The following CSMD3 variants were observed in gnomAD, a reference collection of about 807,000 sequenced individuals.
CSMD3 encodes CUB and Sushi multiple domains 3.
Under a neutral mutation model 435.2 loss-of-function variants are expected in CSMD3, and 177 were observed. The observed-to-expected ratio is 0.41, with a 90% CI of 0.36 to 0.46. The LOEUF (loss-of-function observed/expected upper bound fraction) is 0.46, where lower values mean the gene tolerates loss of function less well. CSMD3 is among the 20% of genes least tolerant of loss of function. The pLI, the probability that CSMD3 is intolerant of heterozygous loss-of-function variation, is 0.34. For missense variants in CSMD3, 4,265 were observed against 4,504.6 expected (o/e 0.95, Z 1.52); for synonymous variants, 1,656 against 1,520.5 (o/e 1.09, Z -2.07).
At chr8:112,737,961 C>T (rs141339052) in intron 13 of CSMD3, among the ~76,000 whole-genome samples, 1 of 151,894 alleles carries the variant, frequency 6.6e-6, no homozygotes, top group East Asian at 1.9e-4. Context: ...TAAATCATTA[C>T]CTAAACTCAT....
At chr8:112,674,729 A>G (rs2131743138) in intron 16 of CSMD3, among the ~76,000 whole-genome samples, 1 of 152,278 alleles carries the variant, frequency 6.6e-6, no homozygotes, top group East Asian at 1.9e-4. Context: ...TAGATCAGCA[A>G]GCTCATTGTA....
intron 6 of CSMD3, among the ~76,000 whole-genome samples, chr8:113,013,114 C>T (rs1367098541): frequency 6.6e-6 from 1 of 151,882 alleles, no homozygotes; most frequent in African/African-American, 2.4e-5. Flanking sequence ...TATTTTTAAG[C>T]CTGGACTATA....
chr8:113,397,423 C>T (rs1211860040), intron 1 of CSMD3, among the ~76,000 whole-genome samples: 2 of 152,030 alleles, frequency 1.3e-5, no homozygotes, highest in South Asian at 2.1e-4. Context: ...CCCACTTGTG[C>T]GTTACAGTGT....
At chr8:112,384,075 G>A (rs1477025252) in intron 36 of CSMD3, among the ~76,000 whole-genome samples, 1 of 151,864 alleles carries the variant, frequency 6.6e-6, no homozygotes, top group Non-Finnish European at 1.5e-5. Context: ...CAGATCTGTG[G>A]TCTACAAGCC....
chr8:112,959,906 A>C (rs2084165588), intron 7 of CSMD3, among the ~76,000 whole-genome samples: 1 of 151,900 alleles, frequency 6.6e-6, no homozygotes, highest in South Asian at 2.1e-4. Flanking sequence ...TTAGTGGATT[A>C]GGAGTTAGCA....
At chr8:112,346,922 G>T (rs184212197) in intron 40 of CSMD3, among the ~76,000 whole-genome samples, 1 of 151,728 alleles carries the variant, frequency 6.6e-6, no homozygotes, top group Non-Finnish European at 1.5e-5. Context: ...CTCGTGATCC[G>T]CCCGCCCAGG....
intron 1 of CSMD3, among the ~76,000 whole-genome samples, chr8:113,409,885 G>GA (rs35823928): frequency 7.9e-4 from 115 of 145,644 alleles, no homozygotes; most frequent in African/African-American, 9.7e-4. Flanking sequence ...CAGCTTTGTA[G>GA]AAAAAAAAAA....
At chr8:113,311,493 A>G (rs948276315) in intron 2 of CSMD3, 1 of 152,148 alleles carries the variant, frequency 6.6e-6, no homozygotes, top group African/African-American at 2.4e-5. Context: ...GCTCATGAAA[A>G]GTAAAAAAAA....
intron 40 of CSMD3, among the ~76,000 whole-genome samples, chr8:112,346,669 C>CTTTTTTTTTTTTTTTTTTTT (rs1402415225): frequency 8.9e-6 from 1 of 111,832 alleles, no homozygotes; most frequent in African/African-American, 4.4e-5. Flanking sequence ...CCTCCTTTTC[C>CTTTTTTTTTTTTTTTTTTTT]TTTTTTTTTT....
chr8:112,678,021 C>T (rs4876483), intron 16 of CSMD3, among the ~76,000 whole-genome samples: 57,768 of 151,886 alleles, frequency 0.38, 12,380 homozygotes, highest in African/African-American at 0.59. Context: ...ATTATTTATA[C>T]TGTTTTTAAG....
intron 16 of CSMD3, among the ~76,000 whole-genome samples, chr8:112,668,159 G>T (rs2075569968): frequency 6.6e-6 from 1 of 151,962 alleles, no homozygotes; most frequent in Non-Finnish European, 1.5e-5. Flanking sequence ...TTCCTAAAAA[G>T]CTAGTTTTAA....
intron 1 of CSMD3, among the ~76,000 whole-genome samples, chr8:113,374,630 T>A (rs902880348): frequency 2.0e-5 from 3 of 152,038 alleles, no homozygotes; most frequent in Non-Finnish European, 2.9e-5. Flanking sequence ...ACATTGTTTT[T>A]CAAATCCAAC....
At chr8:112,697,600 A>AG (rs1288306959) in intron 13 of CSMD3, among the ~76,000 whole-genome samples, 1 of 138,704 alleles carries the variant, frequency 7.2e-6, no homozygotes, top group South Asian at 2.5e-4. Flanking sequence ...GGGTGGGGGC[A>AG]GGGGGGAGGG....
intron 32 of CSMD3, among the ~76,000 whole-genome samples, chr8:112,465,775 G>T (rs1175575301): frequency 6.6e-6 from 1 of 152,054 alleles, no homozygotes; most frequent in African/African-American, 2.4e-5. Flanking sequence ...AGGAGTTTGA[G>T]ATCAGCCTGG....
chr8:112,590,706 C>T lies in CSMD3; in HGVS notation c.3716-3471G>A, dbSNP rs904293907. 4.6e-5 allele frequency among the ~76,000 whole-genome samples: 7 copies of T among 151,404 alleles called. No homozygotes were observed. The East Asian group carries it at 7.8e-4, about 17-fold the overall frequency. On this transcript the variant is annotated intron_variant, in intron 22 of 70. Transcript: ENST00000297405. ...AGAATTTGAAGAGGAAAAGAGGAGA[C>T]TGAATGAGGTACATTTATAAAATTT...
At chr8:112,837,157 C>A (rs199856869) in intron 11 of CSMD3, among the ~76,000 whole-genome samples, 18 of 151,484 alleles carry the variant, frequency 1.2e-4, no homozygotes, top group South Asian at 2.1e-4. Context: ...ATAAATTCTT[C>A]GGGAAAAAAA....
intron 11 of CSMD3, among the ~76,000 whole-genome samples, chr8:112,836,239 G>T (rs1423309162): frequency 6.6e-6 from 1 of 151,822 alleles, no homozygotes; most frequent in Non-Finnish European, 1.5e-5. Flanking sequence ...GAATGCAGGA[G>T]AAGAAAAATG....
At chr8:112,275,472 A>C (rs1262675137) in intron 59 of CSMD3, among the ~76,000 whole-genome samples, 1 of 152,106 alleles carries the variant, frequency 6.6e-6, no homozygotes, top group African/African-American at 2.4e-5. Flanking sequence ...ACTTGAACCC[A>C]GGAGGCAGAG....
At chr8:113,370,584 T>C (rs1309716964) in intron 1 of CSMD3, among the ~76,000 whole-genome samples, 1 of 151,970 alleles carries the variant, frequency 6.6e-6, no homozygotes, top group Non-Finnish European at 1.5e-5. Context: ...TTTCAAGATA[T>C]ATCCCCTGCA....
Sources: gnomAD v4.1 joint callset for allele counts (sites outside exome capture counted in the v4.1 genomes callset) on GRCh38, gnomAD v4.1.1 for gene constraint, MANE v1.5 for transcripts, NCBI Gene and HGNC (gene_info 2026-07-23, HGNC 2026-07-21) for gene names.